MYLK4: variants seen among roughly 807,000 people sequenced by gnomAD.
MYLK4 encodes myosin light chain kinase family member 4.
A neutral mutation model predicts 48.1 loss-of-function variants in MYLK4; 46 were observed. The ratio of observed to expected loss-of-function variants is 0.96; its 90% CI spans 0.75 to 1.22. The LOEUF is 1.22. Among genes scored for constraint, MYLK4 ranks in the 50% most tolerant of loss-of-function variants. The pLI is 0.00. For missense variants in MYLK4, 451 were observed against 486.1 expected, an observed-to-expected ratio of 0.93 and a Z score of 0.68; for synonymous variants, 170 against 180.8, an observed-to-expected ratio of 0.94 and a Z score of 0.48.
rs1200214165 is a variant in MYLK4 at position 2,665,258 on chromosome 6, A to G, written c.*2667T>C. ...TCCCCATTAGAGCAGCAGTCTACCT[A>G]GTTACCAGCTCTCGCTGGAGCAGCC... On this transcript the variant is annotated 3_prime_UTR_variant, in exon 13 of 13. Transcript: ENST00000274643. The G allele has an allele frequency of 6.6e-6, 1 of 152,326 alleles. No individual in the cohort carries two copies. The highest frequency in any genetic ancestry group is 2.4e-5 in the African/African-American group (1 of 41,454). The allele number at this position is 152,326 out of a possible 1,614,324, so 9.4% of individuals were successfully genotyped here. A position where few individuals can be genotyped will look rare whatever the true frequency, so the allele number is the denominator to read the frequency against.
chr6:2,748,624 G>A (rs1764181696), intron 2 of MYLK4, among the ~76,000 whole-genome samples: 1 of 152,186 alleles, frequency 6.6e-6, no homozygotes, highest in Non-Finnish European at 1.5e-5. Context: ...TTTTTCCCAA[G>A]AACGAGCAGC....
intron 2 of MYLK4, among the ~76,000 whole-genome samples, chr6:2,711,377 C>T (rs1186167604): frequency 6.6e-6 from 1 of 152,198 alleles, no homozygotes; most frequent in South Asian, 2.1e-4. Flanking sequence ...ACTCAAGTTA[C>T]AAATTATTGT....
chr6:2,671,568 C>T (rs1760898761), intron 11 of MYLK4, among the ~76,000 whole-genome samples: 2 of 152,202 alleles, frequency 1.3e-5, no homozygotes, highest in Non-Finnish European at 2.9e-5. Flanking sequence ...TGTCACACGA[C>T]CCTTCCTTCT....
intron 2 of MYLK4, among the ~76,000 whole-genome samples, chr6:2,700,205 C>T (rs752957974): frequency 1.1e-4 from 16 of 152,058 alleles, no homozygotes; most frequent in South Asian, 2.1e-4. Flanking sequence ...CTCACCCTGC[C>T]GCCCCACCAC....
At chr6:2,677,161 C>A (rs371129062) in intron 10 of MYLK4, among the ~76,000 whole-genome samples, 1 of 152,134 alleles carries the variant, frequency 6.6e-6, no homozygotes, top group Non-Finnish European at 1.5e-5. Flanking sequence ...CATTTTATTA[C>A]ATCTTTTTAA....
At chr6:2,743,076 T>C (rs1331696858) in intron 2 of MYLK4, among the ~76,000 whole-genome samples, 1 of 152,048 alleles carries the variant, frequency 6.6e-6, no homozygotes, top group Non-Finnish European at 1.5e-5. Flanking sequence ...TCAACAGCTA[T>C]GCAGTATACA....
chr6:2,674,468 C>A (rs1761009020), intron 11 of MYLK4, among the ~76,000 whole-genome samples: 1 of 152,148 alleles, frequency 6.6e-6, no homozygotes, highest in Admixed American at 6.5e-5. Flanking sequence ...GCACATAAGA[C>A]AATGAAGTAA....
At chr6:2,764,527 T>C in the MYLK4 span, among the ~76,000 whole-genome samples, 7 of 152,088 alleles carry the variant, frequency 4.6e-5, no homozygotes, top group Non-Finnish European at 1.0e-4. Flanking sequence ...ATGCCTGTTT[T>C]GAGATACATG....
chr6:2,763,490 C>G, the MYLK4 span, among the ~76,000 whole-genome samples: 1 of 152,222 alleles, frequency 6.6e-6, no homozygotes, highest in Non-Finnish European at 1.5e-5. Context: ...GCAACTACGG[C>G]CTGGCGAGAA....
chr6:2,722,553 G>A lies in MYLK4; in HGVS notation c.159+26583C>T, dbSNP rs1763108683. 2.1e-5 allele frequency among the ~76,000 whole-genome samples: 3 copies of A among 146,232 alleles called. No individual in the cohort carries two copies. The East Asian group carries it at 5.8e-4, about 28-fold the overall frequency. ...TGTGTGTGTGTGTGTGTGTGTGTGT[G>A]TGTTGGAGGTGGAAAATAGAAGAGA... On this transcript the variant is annotated intron_variant, in intron 2 of 12. Transcript: ENST00000274643.
chr6:2,769,498 T>C, the MYLK4 span, among the ~76,000 whole-genome samples: 1 of 152,172 alleles, frequency 6.6e-6, no homozygotes, highest in African/African-American at 2.4e-5. Flanking sequence ...GGCATAACTT[T>C]AAAAAATTTT....
At chr6:2,729,239 T>A (rs1294012311) in intron 2 of MYLK4, among the ~76,000 whole-genome samples, 1 of 152,160 alleles carries the variant, frequency 6.6e-6, no homozygotes, top group East Asian at 1.9e-4. Flanking sequence ...TCCATTCTAT[T>A]GCTCAGCTAT....
At chr6:2,715,697 CA>C (rs1762841979) in intron 2 of MYLK4, among the ~76,000 whole-genome samples, 1 of 152,160 alleles carries the variant, frequency 6.6e-6, no homozygotes, top group South Asian at 2.1e-4. Context: ...AGGTGAGGGT[CA>C]AAACCGCTAG....
intron 2 of MYLK4, among the ~76,000 whole-genome samples, chr6:2,714,985 C>T (rs1350671527): frequency 6.6e-6 from 1 of 152,094 alleles, no homozygotes. Flanking sequence ...ACAGAGTTGG[C>T]TGGGCGTGGT....
At chr6:2,732,497 G>C (rs1763511100) in intron 2 of MYLK4, among the ~76,000 whole-genome samples, 1 of 152,142 alleles carries the variant, frequency 6.6e-6, no homozygotes, top group Non-Finnish European at 1.5e-5. Flanking sequence ...GAGCAGGGTA[G>C]AACAAGTCCT....
chr6:2,718,279 T>C (rs1409925522), intron 2 of MYLK4, among the ~76,000 whole-genome samples: 1 of 152,048 alleles, frequency 6.6e-6, no homozygotes, highest in Non-Finnish European at 1.5e-5. Flanking sequence ...CCCACCATGC[T>C]CATGATTCCA....
chr6:2,689,439 T>G (rs1761689182), intron 3 of MYLK4, among the ~76,000 whole-genome samples: 1 of 152,228 alleles, frequency 6.6e-6, no homozygotes, highest in African/African-American at 2.4e-5. Context: ...CTTTCCAAAA[T>G]GTCTTAGACT....
At chr6:2,767,255 CAG>C in the MYLK4 span, among the ~76,000 whole-genome samples, 1 of 152,238 alleles carries the variant, frequency 6.6e-6, no homozygotes, top group Non-Finnish European at 1.5e-5. Context: ...AGCCAGAAAA[CAG>C]AGAAAGCTAA....
rs762257815 is a variant in MYLK4 at position 2,680,302 on chromosome 6, A to G, written c.688-11T>C. The G allele has an allele frequency of 5.6e-6, 9 of 1,613,780 alleles. No homozygotes were observed. In the Admixed American group the frequency reaches 1.5e-4, roughly 27 times the overall value. On this transcript the variant is annotated splice_polypyrimidine_tract_variant and intron_variant, in intron 7 of 12. Coordinates refer to ENST00000274643, the MANE Select transcript of MYLK4 (RefSeq NM_001012418.5). ...CAGGATATTCTCAGGCTGCCAGGAGAAAGAGACACATTAGCAATGAAAACA... is the reference window on the plus strand; with the variant it reads ...CAGGATATTCTCAGGCTGCCAGGAGGAAGAGACACATTAGCAATGAAAACA...
Sources: gnomAD v4.1 joint callset for allele counts (sites outside exome capture counted in the v4.1 genomes callset) on GRCh38, gnomAD v4.1.1 for gene constraint, MANE v1.5 for transcripts, NCBI Gene and HGNC (gene_info 2026-07-23, HGNC 2026-07-21) for gene names.